Variants in LAMA3 observed in about 807,000 individuals in gnomAD.
LAMA3 encodes the protein laminin subunit alpha 3.
A neutral mutation model predicts 402.0 loss-of-function variants in LAMA3; 281 were observed. That is an observed-to-expected ratio of 0.70 (90% confidence interval 0.63 to 0.77). The LOEUF is 0.77. Among genes scored for constraint, LAMA3 ranks in the 30% least tolerant of loss-of-function variants. The probability of loss-of-function intolerance (pLI) is 0.00; values close to 1 mark genes in which losing one functional copy is unlikely to be tolerated. For missense variants in LAMA3, 3,840 were observed against 4,215.5 expected, an observed-to-expected ratio of 0.91 and a Z score of 2.47; for synonymous variants, 1,431 against 1,558.4, an observed-to-expected ratio of 0.92 and a Z score of 1.93.
intron 72 of LAMA3, 80 bp from the exon 73 acceptor site, chr18:23,951,604 T>G: frequency 9.0e-7 from 1 of 1,109,740 alleles, no homozygotes. Context: ...GTTGGCCCGG[T>G]TTGGGGAGGG....
intron 42 of LAMA3, among the ~76,000 whole-genome samples, chr18:23,892,315 C>CA (rs2080700933): frequency 6.6e-6 from 1 of 152,010 alleles, no homozygotes; most frequent in Admixed American, 6.6e-5. Flanking sequence ...TATTTGTTCC[C>CA]AAAATGGAAG....
intron 7 of LAMA3, among the ~76,000 whole-genome samples, chr18:23,759,764 T>C (rs931231377): frequency 6.6e-6 from 1 of 152,218 alleles, no homozygotes; most frequent in Non-Finnish European, 1.5e-5. Flanking sequence ...AGTAAACTTA[T>C]GTAAAAGGTG....
At chr18:23,776,003 G>A in intron 10 of LAMA3, 80 bp downstream of exon 10, 1 of 1,459,070 alleles carries the variant, frequency 6.9e-7, no homozygotes, top group Non-Finnish European at 9.6e-7. Context: ...GAGGCATGGT[G>A]GACAGGTAGG....
chr18:23,899,753 T>C, intron 47 of LAMA3: 4 of 315,962 alleles, frequency 1.3e-5, no homozygotes, highest in Non-Finnish European at 2.4e-5. Context: ...TATTCACCTC[T>C]TTCCAGTTTT....
At chr18:23,946,571 A>T (rs916201300) in intron 70 of LAMA3, 4 of 416,964 alleles carry the variant, frequency 9.6e-6, no homozygotes, top group Non-Finnish European at 1.7e-5. Context: ...CAGGGAATGC[A>T]AAAACGTAGG....
intron 9 of LAMA3, 107 bp from the exon 10 acceptor site, chr18:23,775,685 A>G (rs531209434): frequency 1.5e-6 from 2 of 1,292,058 alleles, no homozygotes; most frequent in East Asian, 2.4e-5. Context: ...AAGAATACCT[A>G]TAGACCAAGG....
Position 23,879,103 on chromosome 18 carries a change from ACTTGAGCCCAT to A in LAMA3, c.5112+2700_5112+2710del, listed in dbSNP as rs1422246293. Among the ~76,000 whole-genome samples the A allele has an allele frequency of 6.7e-6, 1 of 149,822 alleles. No individual in the cohort carries two copies. The highest frequency in any genetic ancestry group is 1.5e-5 in the Non-Finnish European group (1 of 67,784). On this transcript the variant is annotated intron_variant, in intron 39 of 74. Coordinates refer to ENST00000313654, the MANE Select transcript of LAMA3 (RefSeq NM_198129.4). The surrounding 1 kb of genome is among the most constrained non-coding windows in gnomAD (Gnocchi z 4.2). Reference sequence around the variant, plus strand: ...CATCTTCCTTCTTTTATTTTCTGCTACTTGAGCCCATCTTCCCCTCTGCAGTTGCAATGGAA... The same window carrying A: ...CATCTTCCTTCTTTTATTTTCTGCTACTTCCCCTCTGCAGTTGCAATGGAA...
In LAMA3 at chr18:23,763,452, G is replaced by T. The variant is rs201889113; in HGVS notation, c.1111G>T (p.Val371Phe). Residue 371 changes from valine to phenylalanine, a missense_variant, in exon 8 of 75, where the codon GTT (valine) becomes TTT (phenylalanine). Transcript: ENST00000313654. ...HASNCYYDPD[V>F]ERQQASLNTQ... is the part of the protein sequence containing the mutation. Reference sequence around the variant, plus strand: ...CAGCAACTGTTACTATGATCCAGATGTTGAGCGGCAGCAGGCAAGCTTGAA... The same window carrying T: ...CAGCAACTGTTACTATGATCCAGATTTTGAGCGGCAGCAGGCAAGCTTGAA... 210 of 1,613,970 alleles carry T rather than the reference G, an allele frequency of 1.3e-4. 2 individuals carry two copies. The highest frequency in any genetic ancestry group is 2.1e-5 in the Non-Finnish European group (25 of 1,179,954).
chr18:23,815,205 G>A lies in LAMA3; in HGVS notation c.1906G>A (p.Ala636Thr). ...SGCSECKCHK[A>T]GTVSGTGECR... ...CTCCACAGAATGCAAGTGCCATAAGGCGGGAACAGTGAGTGGAACTGGAGA... is the reference window on the plus strand; with the variant it reads ...CTCCACAGAATGCAAGTGCCATAAGACGGGAACAGTGAGTGGAACTGGAGA... Residue 636 changes from alanine to threonine, a missense_variant, in exon 16 of 75, where the codon GCG becomes ACG. By Grantham distance (58) the Ala-to-Thr change is moderately conservative. Around this residue, in one of 3 missense-constraint regions of LAMA3, gnomAD observed 2,109 missense variants for 2,376.0 expected, o/e 0.89. Transcript: ENST00000313654. The A allele has an allele frequency of 6.2e-7, 1 of 1,614,172 alleles. No individual in the cohort carries two copies. The highest frequency in any genetic ancestry group is 8.5e-7 in the Non-Finnish European group (1 of 1,180,016).
intron 31 of LAMA3, among the ~76,000 whole-genome samples, chr18:23,846,763 C>A (rs1447787371): frequency 6.6e-6 from 1 of 152,180 alleles, no homozygotes; most frequent in Non-Finnish European, 1.5e-5. Flanking sequence ...TTTGTGACTC[C>A]CCTGCTGTGT....
At chr18:23,698,636 C>T (rs997113439) in intron 1 of LAMA3, among the ~76,000 whole-genome samples, 5 of 152,226 alleles carry the variant, frequency 3.3e-5, no homozygotes, top group African/African-American at 1.2e-4. Flanking sequence ...GGAAGACTGA[C>T]TTTTGAGGTG....
intron 67 of LAMA3, among the ~76,000 whole-genome samples, chr18:23,937,478 A>G (rs2082350351): frequency 6.6e-6 from 1 of 151,830 alleles, no homozygotes; most frequent in Non-Finnish European, 1.5e-5. Context: ...GAAGAAGAGT[A>G]GGACATGAGA....
intron 66 of LAMA3, among the ~76,000 whole-genome samples, chr18:23,933,254 C>T (rs147629040): frequency 2.0e-5 from 3 of 152,264 alleles, no homozygotes; most frequent in African/African-American, 4.8e-5. Flanking sequence ...TATAGTATCC[C>T]GGCCCTCCCA....
At chr18:23,705,640 T>C (rs908446903) in intron 1 of LAMA3, among the ~76,000 whole-genome samples, 3 of 152,030 alleles carry the variant, frequency 2.0e-5, no homozygotes, top group African/African-American at 7.2e-5. Flanking sequence ...TCCTTCCACC[T>C]CAGCTTCCCA....
chr18:23,768,300 CAAAT>C (rs1291530402), intron 8 of LAMA3, among the ~76,000 whole-genome samples: 3 of 152,010 alleles, frequency 2.0e-5, no homozygotes, highest in South Asian at 2.1e-4. Flanking sequence ...AAGCAAAAAA[CAAAT>C]AACTCCATTA....
chr18:23,877,105 C>T (rs1223753995), intron 39 of LAMA3, among the ~76,000 whole-genome samples: 1 of 152,146 alleles, frequency 6.6e-6, no homozygotes, highest in Non-Finnish European at 1.5e-5. Context: ...ACTGCCAAGA[C>T]AGAGCGGGGC....
intron 39 of LAMA3, among the ~76,000 whole-genome samples, chr18:23,880,199 A>C (rs1194727412): frequency 2.0e-5 from 3 of 152,194 alleles, no homozygotes; most frequent in Admixed American, 2.0e-4. Flanking sequence ...CCCAGTGTCC[A>C]GACCTGAAGG....
In LAMA3 at chr18:23,775,831, A is replaced by G. The variant is rs769291935; in HGVS notation, c.1313A>G (p.Gln438Arg). 1.2e-6 allele frequency: 2 copies of G among 1,614,050 alleles called. No homozygotes were observed. Among genetic ancestry groups the G allele is most frequent in the East Asian group, 4.5e-5 (2 of 44,886 alleles). Residue 438 changes from glutamine to arginine, a missense_variant, in exon 10 of 75, where the codon CAG (glutamine) becomes CGG (arginine). Physicochemically the swap from Gln to Arg is conservative, Grantham distance 43. Transcript: ENST00000313654. ...CCTGAGCATGCGGATGGCTGTGAAC[A>G]GGGTTCAGGCCGCTGTCACTGCAAG... ...CDPEHADGCEQGSGRCHCKPN... is the reference protein window; with the variant it reads ...CDPEHADGCERGSGRCHCKPN...
Position 23,689,765 on chromosome 18 carries a change from G to A in LAMA3, c.82G>A (p.Val28Met), listed in dbSNP as rs761308269. The A allele has an allele frequency of 2.6e-4, 391 of 1,524,514 alleles. 1 individual carries two copies. The highest frequency in any genetic ancestry group is 3.2e-4 in the Non-Finnish European group (362 of 1,138,400). 94.4% of individuals were successfully genotyped at this position (1,524,514 alleles called of 1,614,324 possible). ...PTPLLLLVLRVLPACGATARD... is the reference protein window; with the variant it reads ...PTPLLLLVLRMLPACGATARD... ...GCCGCTGCTCCTGCTGGTACTGCGG[G>A]TGCTGCCAGCCTGCGGGGCGACCGC... Residue 28 changes from valine to methionine, a missense_variant, in exon 1 of 75, where the codon GTG becomes ATG. By Grantham distance (21) the Val-to-Met change is conservative. This residue lies in a region of LAMA3 where 2,109 missense variants were observed against 2,376.0 expected (regional missense o/e 0.89). Coordinates refer to ENST00000313654, the MANE Select transcript of LAMA3 (RefSeq NM_198129.4).
Sources: allele counts gnomAD v4.1 joint callset (sites outside exome capture counted in the v4.1 genomes callset), GRCh38; gene constraint gnomAD v4.1.1; regional missense constraint gnomAD v4.1.1; non-coding constraint Gnocchi (gnomAD v3.1); transcripts MANE v1.5; gene names NCBI Gene and HGNC (gene_info 2026-07-23, HGNC 2026-07-21).